Variants in MYO1D observed in about 807,000 individuals in gnomAD.
MYO1D encodes the protein unconventional myosin-Id.
Under a neutral mutation model 122.0 loss-of-function variants are expected in MYO1D, and 83 were observed. That is an observed-to-expected ratio of 0.68 (90% CI 0.57 to 0.82). The LOEUF is 0.82. MYO1D is among the 40% of genes least tolerant of loss of function. The pLI is 0.00. For missense variants in MYO1D, 1,157 were observed against 1,269.5 expected, an observed-to-expected ratio of 0.91 and a Z score of 1.35; for synonymous variants, 464 against 446.9, an observed-to-expected ratio of 1.04 and a Z score of -0.48.
chr17:32,592,879 T>C (rs2087454149), intron 21 of MYO1D, among the ~76,000 whole-genome samples: 1 of 152,142 alleles, frequency 6.6e-6, no homozygotes, highest in Non-Finnish European at 1.5e-5. Flanking sequence ...AACAAAACAA[T>C]GTGAAACCAT....
chr17:32,521,641 A>G (rs1255518271), intron 21 of MYO1D, among the ~76,000 whole-genome samples: 3 of 152,220 alleles, frequency 2.0e-5, no homozygotes, highest in Non-Finnish European at 2.9e-5. Context: ...CTAGCCAGCC[A>G]ACCTGGATTA....
At position 32,727,653 on chromosome 17, in the gene MYO1D, C is replaced by T. The variant is rs544092983; in HGVS notation, c.1747-6464G>A. 2.6e-5 allele frequency: 4 copies of T among 152,178 alleles called. No individual in the cohort carries two copies. In the South Asian group the frequency reaches 8.3e-4, roughly 32 times the overall value. 9.4% of individuals were successfully genotyped at this position (152,178 alleles called of 1,614,324 possible). A position where few individuals can be genotyped will look rare whatever the true frequency, so the allele number is the denominator to read the frequency against. ...AATACAGAAAAAAAGAAAATAAATA[C>T]AGAAGAGTCAAATAGAAGCATTAAC... On this transcript the variant is annotated intron_variant, in intron 14 of 21. Coordinates refer to ENST00000318217, the MANE Select transcript of MYO1D (RefSeq NM_015194.3).
At chr17:32,690,399 T>G (rs1238977261) in intron 16 of MYO1D, among the ~76,000 whole-genome samples, 2 of 152,156 alleles carry the variant, frequency 1.3e-5, no homozygotes, top group African/African-American at 4.8e-5. Context: ...GGTCGCGAAC[T>G]CCTGAGCTCA....
chr17:32,648,713 T>A (rs1026952889), intron 19 of MYO1D, among the ~76,000 whole-genome samples: 1 of 152,202 alleles, frequency 6.6e-6, no homozygotes, highest in Non-Finnish European at 1.5e-5. Flanking sequence ...GGTGCACACA[T>A]CCACATGCTA....
At chr17:32,554,218 C>T (rs189182612) in intron 21 of MYO1D, among the ~76,000 whole-genome samples, 121 of 152,254 alleles carry the variant, frequency 7.9e-4, no homozygotes, top group African/African-American at 2.8e-3. Context: ...TGCCCCTGCC[C>T]CTACCTGAGG....
chr17:32,653,413 C>A (rs553962329), intron 19 of MYO1D, among the ~76,000 whole-genome samples: 33 of 151,562 alleles, frequency 2.2e-4, no homozygotes, highest in Admixed American at 2.0e-4. Flanking sequence ...TCGAGACCAG[C>A]CTGACCAACA....
Position 32,771,153 on chromosome 17 carries a change from T to A in MYO1D, c.686A>T (p.Asn229Ile), listed in dbSNP as rs61740314. 931 of 1,609,596 alleles carry A rather than the reference T, an allele frequency of 5.8e-4. 5 individuals are homozygous for A. In the African/African-American group the frequency reaches 7.5e-3, roughly 13 times the overall value. The part of the protein sequence containing the change: ...LHLQKSLSSY[N>I]YIHVGAQLKS... ...TAATTGAGCTCCCACATGAATATAG[T>A]TGTAGGATGAAAGGGATTTCTGGAG... is the stretch of plus-strand genomic sequence containing the variant. Residue 229 changes from asparagine to isoleucine, a missense_variant, in exon 6 of 22, where the codon AAC (asparagine) becomes ATC (isoleucine). Physicochemically the swap from Asn to Ile is moderately radical, Grantham distance 149. Transcript: ENST00000318217.
intron 1 of MYO1D, among the ~76,000 whole-genome samples, chr17:32,853,918 T>A (rs1425467365): frequency 6.6e-6 from 1 of 152,226 alleles, no homozygotes; most frequent in Non-Finnish European, 1.5e-5. Context: ...TGTCTCGCAG[T>A]GATATTTAAA....
intron 16 of MYO1D, among the ~76,000 whole-genome samples, chr17:32,702,072 A>T (rs1314807059): frequency 6.6e-6 from 1 of 152,194 alleles, no homozygotes; most frequent in Non-Finnish European, 1.5e-5. Context: ...GCTCCTCCCC[A>T]TAACATGCCT....
intron 20 of MYO1D, among the ~76,000 whole-genome samples, chr17:32,622,733 C>A (rs143031246): frequency 3.9e-5 from 6 of 152,198 alleles, no homozygotes; most frequent in Admixed American, 3.9e-4. Context: ...ATGGGATTGC[C>A]AGTTTGCAAG....
In MYO1D at chr17:32,748,919, C is replaced by T. The variant is rs2151009199; in HGVS notation, c.1538+17G>A. ...GCGGCATGCAAATCATGGTAGGTACCAAGGTAAGATACTCACACTACATCG... is the reference window on the plus strand; with the variant it reads ...GCGGCATGCAAATCATGGTAGGTACTAAGGTAAGATACTCACACTACATCG... On this transcript the variant is annotated intron_variant, in intron 12 of 21. Coordinates refer to ENST00000318217, the MANE Select transcript of MYO1D (RefSeq NM_015194.3). 3 of 1,603,552 alleles carry T rather than the reference C, an allele frequency of 1.9e-6. No individual in the cohort carries two copies. The highest frequency in any genetic ancestry group is 2.6e-6 in the Non-Finnish European group (3 of 1,171,206).
chr17:32,852,546 T>C (rs1162960619), intron 1 of MYO1D, among the ~76,000 whole-genome samples: 5 of 152,218 alleles, frequency 3.3e-5, no homozygotes, highest in African/African-American at 1.2e-4. Flanking sequence ...TTAAATGCAA[T>C]GTTACTTATA....
chr17:32,647,844 G>GC (rs367559750), intron 19 of MYO1D, among the ~76,000 whole-genome samples: 59 of 152,200 alleles, frequency 3.9e-4, no homozygotes, highest in Middle Eastern at 3.4e-3. Flanking sequence ...CCAAGATACT[G>GC]CCAGCAGTCT....
Position 32,745,244 on chromosome 17 carries a change from A to G in MYO1D, c.1580T>C (p.Leu527Ser). Reference protein sequence around the residue: ...IGFIDKNKDTLFQDFKRLMYN... With the variant: ...IGFIDKNKDTSFQDFKRLMYN... ...CATAAGGCGCTTGAAATCTTGAAATAAAGTATCTTTATTTTTGTCAATAAA... is the reference window on the plus strand; with the variant it reads ...CATAAGGCGCTTGAAATCTTGAAATGAAGTATCTTTATTTTTGTCAATAAA... The change falls in exon 13 of 22, where the codon TTA (leucine) becomes TCA (serine). Residue 527 changes from leucine (L) to serine (S), a missense_variant. Leu to Ser is a moderately radical substitution (Grantham distance 145). Coordinates refer to ENST00000318217, the MANE Select transcript of MYO1D (RefSeq NM_015194.3). The G allele has an allele frequency of 6.5e-7, 1 of 1,545,544 alleles. No homozygotes were observed. The highest frequency in any genetic ancestry group is 8.9e-7 in the Non-Finnish European group (1 of 1,123,872).
At chr17:32,844,402 T>C (rs1420104101) in intron 1 of MYO1D, among the ~76,000 whole-genome samples, 1 of 147,016 alleles carries the variant, frequency 6.8e-6, no homozygotes, top group Non-Finnish European at 1.5e-5. Flanking sequence ...ATATATAATA[T>C]GTATATATGT....
chr17:32,854,085 C>CT (rs565940835), intron 1 of MYO1D, among the ~76,000 whole-genome samples: 93 of 152,226 alleles, frequency 6.1e-4, no homozygotes, highest in Middle Eastern at 3.4e-3. Context: ...AATTCAAATA[C>CT]TTTTTTTACT....
chr17:32,810,005 G>C (rs1419964373), intron 1 of MYO1D, among the ~76,000 whole-genome samples: 1 of 152,168 alleles, frequency 6.6e-6, no homozygotes, highest in African/African-American at 2.4e-5. Flanking sequence ...AGGGTGAAGG[G>C]AAAAGGCCAG....
At chr17:32,647,875 C>A (rs2088319574) in intron 19 of MYO1D, among the ~76,000 whole-genome samples, 2 of 152,058 alleles carry the variant, frequency 1.3e-5, no homozygotes, top group Admixed American at 1.3e-4. Flanking sequence ...ACATTTATTT[C>A]ATTCTAACTG....
chr17:32,604,464 C>A (rs1477539647), intron 21 of MYO1D, among the ~76,000 whole-genome samples: 1 of 152,194 alleles, frequency 6.6e-6, no homozygotes, highest in African/African-American at 2.4e-5. Context: ...AATAACCAGA[C>A]AAAATCACTC....
Sources: gnomAD v4.1 joint callset for allele counts (sites outside exome capture counted in the v4.1 genomes callset) on GRCh38, gnomAD v4.1.1 for gene constraint, MANE v1.5 for transcripts, NCBI Gene and HGNC (gene_info 2026-07-23, HGNC 2026-07-21) for gene names.